Variants in SAMMSON observed in about 807,000 individuals in gnomAD.
SAMMSON encodes survival associated mitochondrial melanoma specific oncogenic non-coding RNA, also known as long intergenic non-protein coding RNA 1212.
At chr3:70,374,886 G>A (rs576077713) in intron 9 of SAMMSON, among the ~76,000 whole-genome samples, 4 of 152,116 alleles carry the variant, frequency 2.6e-5, no homozygotes, top group Admixed American at 1.3e-4. Flanking sequence ...CAATCTGCTG[G>A]TACTTTGGCT....
chr3:70,150,846 G>T (rs539102951), intron 4 of SAMMSON, among the ~76,000 whole-genome samples: 27 of 152,116 alleles, frequency 1.8e-4, no homozygotes, highest in African/African-American at 6.5e-4. Context: ...CAATTGGCTA[G>T]CTGCCATCCC....
At chr3:70,058,551 G>A (rs1364944180) in intron 3 of SAMMSON, among the ~76,000 whole-genome samples, 2 of 151,994 alleles carry the variant, frequency 1.3e-5, no homozygotes, top group Non-Finnish European at 2.9e-5. Context: ...ACCCTGTGCT[G>A]GCTTTGTAGC....
Position 70,031,078 on chromosome 3 carries a change from A to G in SAMMSON, n.417+17406A>G, listed in dbSNP as rs559114241. ...AAAGGAATTAAAAACAAGGACTCAA[A>G]CAGTTCTTGTAAAAAGGTTGATGGC... is the stretch of plus-strand genomic sequence containing the variant. On this transcript the variant is annotated intron_variant and non_coding_transcript_variant, in intron 3 of 9. Coordinates refer to ENST00000642114, the Ensembl canonical transcript of SAMMSON. Among the ~76,000 whole-genome samples, 44 of 152,300 alleles carry G rather than the reference A, an allele frequency of 2.9e-4. 1 individual carries two copies. The East Asian group carries it at 8.1e-3, about 28-fold the overall frequency.
At chr3:70,181,753 T>C (rs1316178394) in intron 4 of SAMMSON, among the ~76,000 whole-genome samples, 2 of 152,240 alleles carry the variant, frequency 1.3e-5, no homozygotes, top group Admixed American at 6.5e-5. Context: ...TATCACATCA[T>C]CTATGTTTAG....
chr3:70,261,925 C>T (rs991283805), intron 6 of SAMMSON, among the ~76,000 whole-genome samples: 3 of 152,090 alleles, frequency 2.0e-5, no homozygotes, highest in Admixed American at 6.6e-5. Context: ...TTACCATAAA[C>T]GGCCAAGTTT....
At chr3:70,238,451 A>C (rs922867312) in intron 4 of SAMMSON, among the ~76,000 whole-genome samples, 5 of 151,986 alleles carry the variant, frequency 3.3e-5, no homozygotes, top group Non-Finnish European at 7.4e-5. Flanking sequence ...CTACAAAATA[A>C]ATAAATAAAT....
At chr3:70,141,723 A>G (rs1180815049) in intron 4 of SAMMSON, among the ~76,000 whole-genome samples, 1 of 152,086 alleles carries the variant, frequency 6.6e-6, no homozygotes, top group Non-Finnish European at 1.5e-5. Flanking sequence ...CTTGTGTAGG[A>G]TTGTTTTCTG....
intron 4 of SAMMSON, among the ~76,000 whole-genome samples, chr3:70,118,756 C>T (rs992055629): frequency 1.3e-5 from 2 of 152,072 alleles, no homozygotes; most frequent in Admixed American, 1.3e-4. Flanking sequence ...GTTAAACAAC[C>T]TTTGTGAGGT....
At chr3:70,049,464 T>C (rs1027570485) in intron 3 of SAMMSON, among the ~76,000 whole-genome samples, 5 of 152,208 alleles carry the variant, frequency 3.3e-5, no homozygotes, top group African/African-American at 9.6e-5. Flanking sequence ...GAGTTAAAAC[T>C]GGCTGCTTTC....
chr3:70,190,701 T>A (rs1203199432), intron 4 of SAMMSON, among the ~76,000 whole-genome samples: 2 of 152,252 alleles, frequency 1.3e-5, no homozygotes, highest in African/African-American at 2.4e-5. Flanking sequence ...TTTGTGTATA[T>A]TGTTGCTTGG....
At chr3:70,116,232 A>T (rs1038461082) in intron 4 of SAMMSON, among the ~76,000 whole-genome samples, 1 of 151,860 alleles carries the variant, frequency 6.6e-6, no homozygotes, top group Admixed American at 6.6e-5. Flanking sequence ...TGCAAAGGGG[A>T]TATAGAAAAT....
chr3:70,261,894 T>A (rs13080041), intron 6 of SAMMSON, among the ~76,000 whole-genome samples: 59,542 of 151,964 alleles, frequency 0.39, 13,010 homozygotes, highest in Non-Finnish European at 0.5. Context: ...GATCCGGGGC[T>A]GAAATCCACT....
intron 4 of SAMMSON, among the ~76,000 whole-genome samples, chr3:70,197,641 G>A (rs913113525): frequency 2.6e-5 from 4 of 152,148 alleles, no homozygotes; most frequent in Non-Finnish European, 4.4e-5. Flanking sequence ...GTTATTTTTC[G>A]ACATGGATTC....
intron 6 of SAMMSON, among the ~76,000 whole-genome samples, chr3:70,273,764 C>T (rs1369221292): frequency 6.6e-6 from 1 of 152,144 alleles, no homozygotes; most frequent in Non-Finnish European, 1.5e-5. Context: ...GTTTAGCAGT[C>T]AAATGTAGAA....
chr3:70,391,761 G>A (rs1464458786), downstream of SAMMSON, among the ~76,000 whole-genome samples: 1 of 152,012 alleles, frequency 6.6e-6, no homozygotes, highest in African/African-American at 2.4e-5. Flanking sequence ...AAAAGAATGG[G>A]AATTTAGTTA....
chr3:70,246,528 G>A (rs987931217), intron 4 of SAMMSON, among the ~76,000 whole-genome samples: 1 of 152,032 alleles, frequency 6.6e-6, no homozygotes, highest in Non-Finnish European at 1.5e-5. Context: ...AGAAACACGA[G>A]ATGCACAATT....
At position 70,047,762 on chromosome 3, in the gene SAMMSON, T is replaced by C. The variant is rs546495205; in HGVS notation, n.418-23714T>C. 5.9e-5 allele frequency among the ~76,000 whole-genome samples: 9 copies of C among 152,242 alleles called. No homozygotes were observed. In the South Asian group the frequency reaches 1.9e-3, roughly 32 times the overall value. On this transcript the variant is annotated intron_variant and non_coding_transcript_variant, in intron 3 of 9. Transcript: ENST00000642114. ...GAAGTCCAAGATCAAGGTGCCTGCT[T>C]CTTGTTTAGACCTTCTTACTGTGTC...
At chr3:70,365,820 G>T (rs371132914) in intron 9 of SAMMSON, among the ~76,000 whole-genome samples, 42 of 151,636 alleles carry the variant, frequency 2.8e-4, no homozygotes, top group African/African-American at 9.2e-4. Context: ...AATTTTTTGG[G>T]AGATTTCTTG....
chr3:70,122,511 T>G (rs1177020379), intron 4 of SAMMSON, among the ~76,000 whole-genome samples: 1 of 152,220 alleles, frequency 6.6e-6, no homozygotes, highest in African/African-American at 2.4e-5. Flanking sequence ...CTCAGCCCAA[T>G]TTTCAATTAT....
Sources: gnomAD v4.1 joint callset for allele counts (sites outside exome capture counted in the v4.1 genomes callset) on GRCh38, gnomAD v4.1.1 for gene constraint, MANE v1.5 for transcripts, NCBI Gene and HGNC (gene_info 2026-07-23, HGNC 2026-07-21) for gene names.